The following HSPG2 variants were observed in gnomAD, a reference collection of about 807,000 sequenced individuals.
HSPG2 encodes basement membrane-specific heparan sulfate proteoglycan core protein.
Under a neutral mutation model 526.6 loss-of-function variants are expected in HSPG2, and 278 were observed. The ratio of observed to expected loss-of-function variants is 0.53; its 90% CI spans 0.48 to 0.58. The LOEUF (loss-of-function observed/expected upper bound fraction) is 0.58. Among genes scored for constraint, HSPG2 ranks in the 20% least tolerant of loss-of-function variants. The probability of loss-of-function intolerance (pLI) is 0.00; values close to 1 mark genes in which losing one functional copy is unlikely to be tolerated. For synonymous variants in HSPG2, 2,465 were observed against 2,555.4 expected (o/e 0.96, Z 1.07); for missense variants, 5,354 against 6,099.5 (o/e 0.88, Z 4.07).
chr1:21,900,826 A>G (rs1643059801), intron 1 of HSPG2, among the ~76,000 whole-genome samples: 1 of 152,150 alleles, frequency 6.6e-6, no homozygotes, highest in Non-Finnish European at 1.5e-5. Flanking sequence ...CGGAGGTTGC[A>G]GTGAACCGAG....
At chr1:21,830,808 G>A (rs2098000183) in intron 85 of HSPG2, 174 bp downstream of exon 85, 6 of 626,082 alleles carry the variant, frequency 9.6e-6, no homozygotes, top group Non-Finnish European at 1.7e-5. Context: ...GATGGGGTGA[G>A]GGCCTTCGGG....
intron 69 of HSPG2, 128 bp downstream of exon 69, chr1:21,841,874 A>G: frequency 1.4e-6 from 2 of 1,386,388 alleles, no homozygotes; most frequent in Non-Finnish European, 2.0e-6. Flanking sequence ...AGAGACGGGA[A>G]GGGCCTTACT....
At chr1:21,899,499 G>A (rs1394107817) in intron 1 of HSPG2, among the ~76,000 whole-genome samples, 1 of 152,164 alleles carries the variant, frequency 6.6e-6, no homozygotes, top group Admixed American at 6.5e-5. Context: ...AGCAGAGAAA[G>A]TCAGGTTACC....
Position 21,895,230 on chromosome 1 carries a change from C to A in HSPG2, c.244+692G>T, listed in dbSNP as rs1394557749. Among the ~76,000 whole-genome samples the A allele has an allele frequency of 6.6e-6, 1 of 152,146 alleles. No homozygotes were observed. Among genetic ancestry groups the A allele is most frequent in the Non-Finnish European group, 1.5e-5 (1 of 68,014 alleles). ...TGCCTCCCAGAGAGGGCAGTAGGAA[C>A]CATAAAGAGCCACAGGGCCTTGTCC... On this transcript the variant is annotated intron_variant, in intron 3 of 96. Transcript: ENST00000374695. The surrounding 1 kb of genome is among the most constrained non-coding windows in gnomAD (Gnocchi z 4.1).
Position 21,858,061 on chromosome 1 carries a change from C to T in HSPG2, c.5294-676G>A, listed in dbSNP as rs1227812877. The stretch of plus-strand genomic sequence containing the variant: ...CCGAAAACTCCCCCTTGACCTCATG[C>T]TCTCGCAGTCAATGACCCACTTCCT... On this transcript the variant is annotated intron_variant, in intron 42 of 96. Transcript: ENST00000374695. This position sits in a 1 kb window ranked among gnomAD's most constrained non-coding sequence, Gnocchi z 4.2. Among the ~76,000 whole-genome samples the T allele has an allele frequency of 6.6e-6, 1 of 152,180 alleles. No individual in the cohort carries two copies. Among genetic ancestry groups the T allele is most frequent in the Middle Eastern group, 3.2e-3 (1 of 316 alleles).
Position 21,846,484 on chromosome 1 carries a change from C to G in HSPG2, c.8280G>C (p.Trp2760Cys). 2 of 1,613,692 alleles carry G rather than the reference C, an allele frequency of 1.2e-6. No homozygotes were observed. Among genetic ancestry groups the G allele is most frequent in the African/African-American group, 1.3e-5 (1 of 75,060 alleles). ...TGGGGAGGCTGCCCCCACGCTTGTG[C>G]CAAGTGACCTGGGCATGGGCCTGCC... ...VPGQAHAQVTWHKRGGSLPSH... is the reference protein window; with the variant it reads ...VPGQAHAQVTCHKRGGSLPSH... The change falls in exon 63 of 97, where the codon TGG becomes TGC. Residue 2760 changes from tryptophan to cysteine, a missense_variant. Trp to Cys is a radical substitution (Grantham distance 215, BLOSUM62 -2). Coordinates refer to ENST00000374695, the MANE Select transcript of HSPG2 (RefSeq NM_005529.7).
chr1:21,886,627 C>T (rs963185822), intron 9 of HSPG2, among the ~76,000 whole-genome samples: 8 of 152,124 alleles, frequency 5.3e-5, no homozygotes, highest in African/African-American at 1.7e-4. Context: ...CCGTAATGTC[C>T]ATGACTGGAA....
chr1:21,830,246 G>A (rs949678025), intron 85 of HSPG2, 155 bp from the exon 86 acceptor site: 6 of 659,848 alleles, frequency 9.1e-6, no homozygotes, highest in Non-Finnish European at 1.6e-5. Context: ...ACTGAGCAGA[G>A]CAAGGCGGGA....
rs1313232086 is a variant in HSPG2, at chr1:21,880,264, C to T, written c.2196-10G>A. The T allele has an allele frequency of 1.2e-6, 2 of 1,614,156 alleles. No homozygotes were observed. Among genetic ancestry groups the T allele is most frequent in the Admixed American group, 1.7e-5 (1 of 60,022 alleles). On this transcript the variant is annotated splice_polypyrimidine_tract_variant and intron_variant, in intron 16 of 96. Coordinates refer to ENST00000374695, the MANE Select transcript of HSPG2 (RefSeq NM_005529.7). ...ATAGCCAATGGGGCATCTGTGGGGA[C>T]AGGACCAAAAGAGTCGCTGCAAGGA...
chr1:21,931,367 G>C (rs938572554), intron 1 of HSPG2, among the ~76,000 whole-genome samples: 1 of 152,384 alleles, frequency 6.6e-6, no homozygotes, highest in East Asian at 1.9e-4. Flanking sequence ...GGGAGCAGGA[G>C]GGGGTGGCAG....
chr1:21,885,202 G>A, intron 10 of HSPG2, 45 bp from the exon 11 acceptor site: 1 of 1,601,050 alleles, frequency 6.2e-7, no homozygotes, highest in Non-Finnish European at 8.5e-7. Flanking sequence ...GCAAAGGAAG[G>A]AGGAGCGGAA....
At chr1:21,874,067 G>A (rs567694253) in intron 28 of HSPG2, 56 bp from the exon 29 acceptor site, 25 of 1,445,324 alleles carry the variant, frequency 1.7e-5, no homozygotes, top group East Asian at 9.7e-5. Flanking sequence ...CCTCTCCCCC[G>A]ATCCTCCTTC....
At position 21,822,501 on chromosome 1, in the gene HSPG2, TTG is replaced by T. The variant is rs1251590053; in HGVS notation, c.*813_*814del. 3 of 463,870 alleles carry T rather than the reference TTG, an allele frequency of 6.5e-6. No individual in the cohort carries two copies. The highest frequency in any genetic ancestry group is 5.9e-4 in the Middle Eastern group (1 of 1,692). 28.7% of individuals were successfully genotyped at this position (463,870 alleles called of 1,614,324 possible). On this transcript the variant is annotated 3_prime_UTR_variant, in exon 97 of 97. Coordinates refer to ENST00000374695, the MANE Select transcript of HSPG2 (RefSeq NM_005529.7). ...AGCACCAGCGGCATCCGTCCGTCCG[TTG>T]TCTGTTGGAGGAGTCCCTGGGCCTT...
rs1458678737 is a variant in HSPG2 at position 21,887,992 on chromosome 1, A to G, written c.649T>C (p.Tyr217His). ...HSYNECVALE[Y>H]RCDRRPDCRD... ...CAGTCGGGCCGCCGGTCACAGCGAT[A>G]CTCCAGGGCCACACACTCATTGTAG... The change falls in exon 7 of 97, where the codon TAT becomes CAT. Residue 217 changes from tyrosine (Y) to histidine (H), a missense_variant. Physicochemically the swap from Tyr to His is moderately conservative, Grantham distance 83. Transcript: ENST00000374695. This position sits in a 1 kb window ranked among gnomAD's most constrained non-coding sequence, Gnocchi z 5.0. The G allele has an allele frequency of 6.2e-7, 1 of 1,613,690 alleles. No homozygotes were observed. The highest frequency in any genetic ancestry group is 1.3e-5 in the African/African-American group (1 of 74,760).
chr1:21,930,772 T>G (rs1332209815), intron 1 of HSPG2, among the ~76,000 whole-genome samples: 1 of 144,420 alleles, frequency 6.9e-6, no homozygotes, highest in Non-Finnish European at 1.5e-5. Context: ...AGACTCCATC[T>G]CAAAAAAAAA....
In HSPG2 at chr1:21,829,470, T is replaced by C. The variant is rs1376816656; in HGVS notation, c.11905A>G (p.Ser3969Gly). Residue 3969 changes from serine (S) to glycine (G), a missense_variant, in exon 87 of 97, where the codon AGC (serine) becomes GGC (glycine). Physicochemically the swap from Ser to Gly is moderately conservative, Grantham distance 56. Transcript: ENST00000374695. The part of the protein sequence containing the change: ...PLAPDGVLLF[S>G]GGKSGPVEDF... ...TCCACAGGCCCGCTCTTCCCCCCGC[T>C]GAACAGCAGGACCCCGTCAGGGGCG... 1 of 1,613,234 alleles carries C rather than the reference T, an allele frequency of 6.2e-7. No homozygotes were observed. The highest frequency in any genetic ancestry group is 1.3e-5 in the African/African-American group (1 of 74,920).
At chr1:21,861,864 G>A in intron 38 of HSPG2, 21 bp from the exon 39 acceptor site, 1 of 1,613,586 alleles carries the variant, frequency 6.2e-7, no homozygotes, top group Non-Finnish European at 8.5e-7. Context: ...GGAGGCAAAG[G>A]TCAGGTCATG....
intron 1 of HSPG2, among the ~76,000 whole-genome samples, chr1:21,920,946 C>A (rs896866320): frequency 2.6e-5 from 4 of 152,160 alleles, no homozygotes; most frequent in Admixed American, 6.6e-5. Flanking sequence ...TATGCCTCCT[C>A]CCCCGGGCAG....
Position 21,823,616 on chromosome 1 carries a change from C to T in HSPG2, c.13003G>A (p.Gly4335Ser), listed in dbSNP as rs749949642. Residue 4335 changes from glycine to serine, a missense_variant and splice_region_variant, in exon 96 of 97, where the codon GGC becomes AGC. Transcript: ENST00000374695. ...AVNAKGSVYIGGAPDVATLTG... is the reference protein window; with the variant it reads ...AVNAKGSVYISGAPDVATLTG... ...CCCTGAGAAGGAGCCCCAGACTTACCGATGTAGACGCTGCCCTTGGCGTTG... is the reference window on the plus strand; with the variant it reads ...CCCTGAGAAGGAGCCCCAGACTTACTGATGTAGACGCTGCCCTTGGCGTTG... 12 of 1,613,340 alleles carry T rather than the reference C, an allele frequency of 7.4e-6. No homozygotes were observed. Among genetic ancestry groups the T allele is most frequent in the South Asian group, 6.6e-5 (6 of 91,076 alleles).
Sources: gnomAD v4.1 joint callset for allele counts (sites outside exome capture counted in the v4.1 genomes callset) on GRCh38, gnomAD v4.1.1 for gene constraint, Gnocchi (gnomAD v3.1) non-coding constraint, MANE v1.5 for transcripts, NCBI Gene and HGNC (gene_info 2026-07-23, HGNC 2026-07-21) for gene names.